The following EVI5 variants were observed in gnomAD, a reference collection of about 807,000 sequenced individuals.
EVI5 encodes the protein ecotropic viral integration site 5, also known as ecotropic viral integration site 5 protein homolog.
In EVI5, 73 loss-of-function variants were observed where a neutral mutation model predicts 112.0. That is an observed-to-expected ratio of 0.65 (90% CI 0.54 to 0.79). The LOEUF is 0.79. EVI5 is among the 30% of genes least tolerant of loss of function. The probability of loss-of-function intolerance (pLI) is 0.00; values close to 1 mark genes in which losing one functional copy is unlikely to be tolerated. For missense variants in EVI5, 900 were observed against 968.8 expected, an observed-to-expected ratio of 0.93 and a Z score of 0.94; for synonymous variants, 305 against 319.9, an observed-to-expected ratio of 0.95 and a Z score of 0.50.
At chr1:92,696,670 T>G (rs191220999) in intron 6 of EVI5, among the ~76,000 whole-genome samples, 274 of 151,812 alleles carry the variant, frequency 1.8e-3, no homozygotes, top group African/African-American at 6.3e-3. Context: ...TCTCAAAACC[T>G]ATTCTGGCTT....
chr1:92,546,753 G>C (rs1216428940), intron 19 of EVI5, among the ~76,000 whole-genome samples: 1 of 151,998 alleles, frequency 6.6e-6, no homozygotes. Flanking sequence ...AGACAAAGAA[G>C]GCCATTACAT....
chr1:92,593,159 C>T (rs1357229570), intron 18 of EVI5, among the ~76,000 whole-genome samples: 1 of 152,112 alleles, frequency 6.6e-6, no homozygotes, highest in Non-Finnish European at 1.5e-5. Flanking sequence ...AACATCGATG[C>T]AAATATCCTC....
At chr1:92,602,215 G>T (rs1649325212) in intron 18 of EVI5, among the ~76,000 whole-genome samples, 1 of 152,108 alleles carries the variant, frequency 6.6e-6, no homozygotes, top group Non-Finnish European at 1.5e-5. Context: ...GAAATTTCAG[G>T]TGGGAAGAAA....
intron 2 of EVI5, among the ~76,000 whole-genome samples, chr1:92,723,019 C>G (rs910986528): frequency 6.6e-6 from 1 of 152,122 alleles, no homozygotes; most frequent in East Asian, 1.9e-4. Context: ...AGGTCCTATT[C>G]CTGGGGCTCA....
At position 92,737,843 on chromosome 1, in the gene EVI5, C is replaced by A. The variant is rs558561563; in HGVS notation, c.-81-1216G>T. ...CCTGAGGATGGAGCATCTAAAAGGA[C>A]AAAGATTCCATTACAAGTGCTGAAT... On this transcript the variant is annotated intron_variant, in intron 1 of 19. Transcript: ENST00000684568. 2.0e-5 allele frequency among the ~76,000 whole-genome samples: 3 copies of A among 152,284 alleles called. No homozygotes were observed. In the South Asian group the frequency reaches 6.2e-4, roughly 32 times the overall value.
intron 19 of EVI5, among the ~76,000 whole-genome samples, chr1:92,517,535 G>C (rs1660119086): frequency 6.6e-6 from 1 of 152,170 alleles, no homozygotes; most frequent in South Asian, 2.1e-4. Context: ...TAATTATTTA[G>C]GACAAAAGTG....
chr1:92,552,952 T>G (rs1162970375), intron 19 of EVI5, among the ~76,000 whole-genome samples: 2 of 152,106 alleles, frequency 1.3e-5, no homozygotes, highest in Non-Finnish European at 2.9e-5. Flanking sequence ...GAAATTACTA[T>G]CATGAGAGGC....
At chr1:92,620,879 C>A (rs190879323) in intron 16 of EVI5, among the ~76,000 whole-genome samples, 1 of 151,994 alleles carries the variant, frequency 6.6e-6, no homozygotes, top group Non-Finnish European at 1.5e-5. Flanking sequence ...AACTTTAATG[C>A]AAAATTAGTA....
chr1:92,714,089 A>T (rs1345053403), intron 2 of EVI5: 1 of 981,460 alleles, frequency 1.0e-6, no homozygotes, highest in Non-Finnish European at 1.2e-6. Context: ...AAACTATCCG[A>T]TTTCAACTTT....
chr1:92,666,036 G>GA (rs748504410), intron 10 of EVI5, 44 bp from the exon 11 acceptor site: 40 of 1,260,844 alleles, frequency 3.2e-5, no homozygotes, highest in South Asian at 7.8e-5. Context: ...TTTTTGAGAG[G>GA]AAAAAAAAGA....
intron 2 of EVI5, among the ~76,000 whole-genome samples, chr1:92,710,070 T>C (rs1672605255): frequency 2.2e-5 from 1 of 45,342 alleles, no homozygotes; most frequent in South Asian, 8.8e-4. Context: ...CTGCCTTACA[T>C]GGATTTATTG....
chr1:92,645,100 C>G (rs1170855060), intron 13 of EVI5, among the ~76,000 whole-genome samples: 1 of 152,186 alleles, frequency 6.6e-6, no homozygotes. Flanking sequence ...TGTCGAAGAC[C>G]TGAACTTGTT....
At chr1:92,755,952 C>G in intron 1 of EVI5, 1 of 171,762 alleles carries the variant, frequency 5.8e-6, no homozygotes. Flanking sequence ...GACTTGACTG[C>G]CATTGTGAGC....
In EVI5 at chr1:92,533,935, T is replaced by A. The variant is rs558746891; in HGVS notation, c.2167-19965A>T. Among the ~76,000 whole-genome samples the A allele has an allele frequency of 5.8e-4, 88 of 152,188 alleles. 1 individual carries two copies. Among genetic ancestry groups the A allele is most frequent in the African/African-American group, 2.0e-3 (83 of 41,528 alleles). On this transcript the variant is annotated intron_variant, in intron 19 of 19. Coordinates refer to ENST00000684568, the MANE Select transcript of EVI5 (RefSeq NM_001350197.2). ...GTGTTGGAAGTTCTGGCCAGGGCAA[T>A]CAGGTAAAAGAAAGAAATAAAGGGT...
intron 2 of EVI5, among the ~76,000 whole-genome samples, chr1:92,717,495 G>C (rs1179299519): frequency 1.3e-5 from 2 of 152,194 alleles, no homozygotes; most frequent in African/African-American, 2.4e-5. Context: ...AGCAAATGCT[G>C]AGAGATTTTG....
intron 10 of EVI5, among the ~76,000 whole-genome samples, chr1:92,674,578 C>G (rs1211326279): frequency 2.0e-5 from 3 of 151,748 alleles, no homozygotes; most frequent in Non-Finnish European, 4.4e-5. Context: ...GGAGAAATAC[C>G]TAATGTAGAT....
In EVI5 at chr1:92,629,364, T is replaced by C. The variant is rs114511107; in HGVS notation, c.1528-3430A>G. ...GGTTTTTGGATTCAGTAGGTAGCTA[T>C]TACCTAAGAGTAAAAAGGAACAAAC... On this transcript the variant is annotated intron_variant, in intron 14 of 19. Coordinates refer to ENST00000684568, the MANE Select transcript of EVI5 (RefSeq NM_001350197.2). 2.1e-3 allele frequency among the ~76,000 whole-genome samples: 325 copies of C among 152,274 alleles called. 1 individual carries two copies. The highest frequency in any genetic ancestry group is 3.8e-3 in the Admixed American group (58 of 15,298).
intron 13 of EVI5, among the ~76,000 whole-genome samples, chr1:92,648,174 G>A (rs1303158191): frequency 5.5e-5 from 7 of 127,622 alleles, no homozygotes; most frequent in East Asian, 2.4e-4. Context: ...GTGAAACCCC[G>A]ACTCTACTAA....
Position 92,697,906 on chromosome 1 carries a change from A to G in EVI5, c.719T>C (p.Met240Thr). ...GTACATACAAAGGCCCAATTCTGCC[A>G]TACTTGGTTTAAAAAGTTCACGAAG... ...YRLRELFKPSMAELGLCMYQF... is the reference protein window; with the variant it reads ...YRLRELFKPSTAELGLCMYQF... The change falls in exon 6 of 20, where the codon ATG (methionine) becomes ACG (threonine). Residue 240 changes from methionine (M) to threonine (T), a missense_variant. Coordinates refer to ENST00000684568, the MANE Select transcript of EVI5 (RefSeq NM_001350197.2). 1 of 1,613,248 alleles carries G rather than the reference A, an allele frequency of 6.2e-7. No individual in the cohort carries two copies. The highest frequency in any genetic ancestry group is 1.1e-5 in the South Asian group (1 of 91,066).
Sources: gnomAD v4.1 joint callset for allele counts (sites outside exome capture counted in the v4.1 genomes callset) on GRCh38, gnomAD v4.1.1 for gene constraint, MANE v1.5 for transcripts, NCBI Gene and HGNC (gene_info 2026-07-23, HGNC 2026-07-21) for gene names.